The following KIF3B variants were observed in gnomAD, a reference collection of about 807,000 sequenced individuals.
KIF3B encodes the protein kinesin family member 3B.
A neutral mutation model predicts 74.3 loss-of-function variants in KIF3B; 38 were observed. That is an observed-to-expected ratio of 0.51 (90% confidence interval 0.39 to 0.67). The LOEUF (loss-of-function observed/expected upper bound fraction) is 0.67, where lower values mean the gene tolerates loss of function less well. Ranked by LOEUF, KIF3B falls within the 30% of genes least tolerant of loss-of-function variation. KIF3B has a pLI of 0.00. For missense variants in KIF3B, 649 were observed against 932.0 expected (o/e 0.70, Z 3.95); for synonymous variants, 326 against 342.5 (o/e 0.95, Z 0.53).
chr20:32,309,847 A>G lies in KIF3B; in HGVS notation c.70A>G (p.Lys24Glu). The G allele has an allele frequency of 1.2e-6, 2 of 1,614,160 alleles. No homozygotes were observed. Among genetic ancestry groups the G allele is most frequent in the Non-Finnish European group, 1.7e-6 (2 of 1,180,036 alleles). The change falls in exon 2 of 9, where the codon AAG (lysine) becomes GAG (glutamate). Residue 24 changes from lysine (K) to glutamate (E), a missense_variant. By Grantham distance (56) the Lys-to-Glu change is moderately conservative. Around this residue, in one of 4 missense-constraint regions of KIF3B, gnomAD observed 96 missense variants for 119.0 expected, o/e 0.81. Coordinates refer to ENST00000375712, the MANE Select transcript of KIF3B (RefSeq NM_004798.4). ...CTGTCGGCCCATGAATGGCAAGGAA[A>G]AGGCTGCTTCGTATGACAAAGTGGT... is the stretch of plus-strand genomic sequence containing the variant. ...VRCRPMNGKE[K>E]AASYDKVVDV...
chr20:32,312,945 C>T (rs2047808642), intron 2 of KIF3B, among the ~76,000 whole-genome samples: 1 of 152,178 alleles, frequency 6.6e-6, no homozygotes, highest in African/African-American at 2.4e-5. Flanking sequence ...ATCAGACTAA[C>T]ATTTGCATAT....
At chr20:32,278,553 C>T (rs925462216) in intron 1 of KIF3B, among the ~76,000 whole-genome samples, 1 of 152,232 alleles carries the variant, frequency 6.6e-6, no homozygotes, top group Non-Finnish European at 1.5e-5. Flanking sequence ...GGTAGTCCTA[C>T]TGCAATGCCA....
At position 32,311,169 on chromosome 20, in the gene KIF3B, C is replaced by A; in HGVS notation, c.1392C>A (p.Gly464=). The A allele has an allele frequency of 5.6e-6, 9 of 1,608,502 alleles. No individual in the cohort carries two copies. The highest frequency in any genetic ancestry group is 7.6e-6 in the Non-Finnish European group (9 of 1,177,746). ...AGAAGGATGCTGCCGAGATGCTGGGCGCCAAGATCAAGGTACCATACCCGT... is the reference window on the plus strand; with the variant it reads ...AGAAGGATGCTGCCGAGATGCTGGGAGCCAAGATCAAGGTACCATACCCGT... The part of the protein sequence containing the change: ...RREKDAAEML[G]AKIKAMESKL... The change falls in exon 2 of 9, where the codon GGC becomes GGA. Residue 464 remains glycine (G), a synonymous_variant. Transcript: ENST00000375712.
Position 32,306,581 on chromosome 20 carries a change from CTTTTTTTTTTTTT to C in KIF3B, c.-65-3117_-65-3105del, listed in dbSNP as rs935086574. Among the ~76,000 whole-genome samples, 13 of 82,862 alleles carry C rather than the reference CTTTTTTTTTTTTT, an allele frequency of 1.6e-4. No homozygotes were observed. In the South Asian group the frequency reaches 2.8e-3, roughly 18 times the overall value. The allele number at this position is 82,862 out of a possible 152,430, so 54.4% of individuals were successfully genotyped here. The stretch of plus-strand genomic sequence containing the variant: ...GAGTATACTGTGAAAAGTTTTTCCT[CTTTTTTTTTTTTT>C]TTTTTTTTTTTTTTGAGACGGAGTC... On this transcript the variant is annotated intron_variant, in intron 1 of 8. Transcript: ENST00000375712.
chr20:32,292,979 G>T (rs956900131), intron 1 of KIF3B, among the ~76,000 whole-genome samples: 1 of 152,118 alleles, frequency 6.6e-6, no homozygotes, highest in Admixed American at 6.5e-5. Flanking sequence ...TTTTGGCTGG[G>T]CGCAGTGGCT....
At chr20:32,301,085 C>CTTTTT (rs950388063) in intron 1 of KIF3B, among the ~76,000 whole-genome samples, 13 of 90,182 alleles carry the variant, frequency 1.4e-4, no homozygotes, top group African/African-American at 1.6e-4. Flanking sequence ...GCTTCATGGT[C>CTTTTT]TTTTTTTTTT....
rs950388063 is a variant in KIF3B, at chr20:32,301,085, CT to C, written c.-65-8606del. Among the ~76,000 whole-genome samples, 738 of 90,162 alleles carry C rather than the reference CT, an allele frequency of 8.2e-3. 8 individuals are homozygous for C. The highest frequency in any genetic ancestry group is 0.025 in the African/African-American group (629 of 25,010). 59.1% of individuals were successfully genotyped at this position (90,162 alleles called of 152,430 possible). ...TCCTATGTTGCCCACGCTTCATGGT[CT>C]TTTTTTTTTTTTTTTTTTTTTGAGA... is the stretch of plus-strand genomic sequence containing the variant. On this transcript the variant is annotated intron_variant, in intron 1 of 8. Coordinates refer to ENST00000375712, the MANE Select transcript of KIF3B (RefSeq NM_004798.4).
Position 32,309,880 on chromosome 20 carries a change from G to A in KIF3B, c.103G>A (p.Asp35Asn). The A allele has an allele frequency of 1.2e-6, 2 of 1,614,156 alleles. 1 individual carries two copies. Among genetic ancestry groups the A allele is most frequent in the Middle Eastern group, 3.3e-4 (2 of 6,062 alleles). The change falls in exon 2 of 9, where the codon GAT becomes AAT. Residue 35 changes from aspartate (D) to asparagine (N), a missense_variant. Coordinates refer to ENST00000375712, the MANE Select transcript of KIF3B (RefSeq NM_004798.4). Reference protein sequence around the residue: ...AASYDKVVDVDVKLGQVSVKN... With the variant: ...AASYDKVVDVNVKLGQVSVKN... ...TTCGTATGACAAAGTGGTGGATGTG[G>A]ATGTTAAGCTGGGGCAGGTGTCTGT...
chr20:32,281,851 G>A (rs1196820670), intron 1 of KIF3B, among the ~76,000 whole-genome samples: 1 of 152,232 alleles, frequency 6.6e-6, no homozygotes, highest in African/African-American at 2.4e-5. Flanking sequence ...AAGGGTAAAG[G>A]CTGTGAGGTG....
intron 1 of KIF3B, among the ~76,000 whole-genome samples, chr20:32,303,871 A>G (rs562539260): frequency 0.026 from 4,013 of 151,520 alleles, 185 homozygotes; most frequent in African/African-American, 0.093. Context: ...AAAAAAAAAA[A>G]AAAGAAAGAA....
chr20:32,317,641 GTT>G (rs1246559281), intron 5 of KIF3B, among the ~76,000 whole-genome samples: 1 of 139,860 alleles, frequency 7.2e-6, no homozygotes. Flanking sequence ...GATCACAGTG[GTT>G]TTTTTTTTTT....
At chr20:32,284,535 TC>T (rs903941365) in intron 1 of KIF3B, among the ~76,000 whole-genome samples, 2 of 151,914 alleles carry the variant, frequency 1.3e-5, no homozygotes, top group Non-Finnish European at 2.9e-5. Flanking sequence ...ACGCTTGTAA[TC>T]CCAGCACTTT....
chr20:32,281,169 G>T (rs2047641290), intron 1 of KIF3B, among the ~76,000 whole-genome samples: 1 of 152,168 alleles, frequency 6.6e-6, no homozygotes, highest in Admixed American at 6.5e-5. Context: ...GCTTACACAT[G>T]CTTTTACTCA....
At chr20:32,284,635 CAGA>C (rs776529649) in intron 1 of KIF3B, among the ~76,000 whole-genome samples, 3 of 152,062 alleles carry the variant, frequency 2.0e-5, no homozygotes, top group South Asian at 2.1e-4. Flanking sequence ...TTTTTAAAAA[CAGA>C]AGAAGAAGAA....
chr20:32,306,191 G>A (rs1457001387), intron 1 of KIF3B, among the ~76,000 whole-genome samples: 3 of 151,200 alleles, frequency 2.0e-5, no homozygotes, highest in East Asian at 3.9e-4. Context: ...TCAGGAGATC[G>A]AGACCATCCT....
At chr20:32,316,383 A>G (rs1600432930) in intron 3 of KIF3B, 64 bp downstream of exon 3, 2 of 1,533,232 alleles carry the variant, frequency 1.3e-6, no homozygotes, top group East Asian at 2.2e-5. Flanking sequence ...TGCAGAGCAA[A>G]CGTCTCATAT....
At chr20:32,296,991 A>T (rs2047720009) in intron 1 of KIF3B, among the ~76,000 whole-genome samples, 2 of 151,760 alleles carry the variant, frequency 1.3e-5, no homozygotes, top group Non-Finnish European at 2.9e-5. Flanking sequence ...TGTAAAAAGG[A>T]GTAGTGTTGA....
chr20:32,325,655 C>T (rs6141675), intron 5 of KIF3B, among the ~76,000 whole-genome samples: 9,000 of 51,920 alleles, frequency 0.17, 2,325 homozygotes, highest in East Asian at 0.45. Context: ...CTCTCTCTCT[C>T]TTTTTTTTTT....
intron 1 of KIF3B, among the ~76,000 whole-genome samples, chr20:32,296,311 A>G (rs767682018): frequency 6.6e-6 from 1 of 152,134 alleles, no homozygotes; most frequent in Non-Finnish European, 1.5e-5. Context: ...ACTAAGTAAT[A>G]TATTTACATG....
Sources: gnomAD v4.1 joint callset for allele counts (sites outside exome capture counted in the v4.1 genomes callset) on GRCh38, gnomAD v4.1.1 for gene constraint, gnomAD v4.1.1 regional missense constraint, MANE v1.5 for transcripts, NCBI Gene and HGNC (gene_info 2026-07-23, HGNC 2026-07-21) for gene names.